RNF123: variants seen among roughly 807,000 people sequenced by gnomAD.
RNF123 encodes the protein ring finger protein 123.
A neutral mutation model predicts 168.5 loss-of-function variants in RNF123; 86 were observed. The ratio of observed to expected loss-of-function variants is 0.51; its 90% CI spans 0.43 to 0.61. The LOEUF (loss-of-function observed/expected upper bound fraction) is 0.61, where lower values mean the gene tolerates loss of function less well. Among genes scored for constraint, RNF123 ranks in the 20% least tolerant of loss-of-function variants. The probability of loss-of-function intolerance (pLI) is 0.00; values close to 1 mark genes in which losing one functional copy is unlikely to be tolerated. For synonymous variants in RNF123, 666 were observed against 689.1 expected (o/e 0.97, Z 0.52); for missense variants, 1,419 against 1,729.7 (o/e 0.82, Z 3.19).
In RNF123 at chr3:49,706,767, T is replaced by A. The variant is rs775755837; in HGVS notation, c.2389-24T>A. Reference sequence around the variant, plus strand: ...TGGGTATGGGGCCATGTCTTGATTGTCCTCCTTTCCCCTTGGGTGGCAGAG... The same window carrying A: ...TGGGTATGGGGCCATGTCTTGATTGACCTCCTTTCCCCTTGGGTGGCAGAG... On this transcript the variant is annotated intron_variant, in intron 25 of 38. Transcript: ENST00000327697. The A allele has an allele frequency of 2.5e-6, 4 of 1,604,146 alleles. No homozygotes were observed. In the East Asian group the frequency reaches 6.7e-5, roughly 27 times the overall value.
At position 49,715,663 on chromosome 3, in the gene RNF123, C is replaced by T. The variant is rs2080227314; in HGVS notation, c.3099C>T (p.Val1033=). 1.2e-6 allele frequency: 2 copies of T among 1,614,242 alleles called. No homozygotes were observed. Among genetic ancestry groups the T allele is most frequent in the South Asian group, 2.2e-5 (2 of 91,088 alleles). Residue 1033 remains valine (V), a synonymous_variant, in exon 32 of 39, where the codon GTC becomes GTT. Coordinates refer to ENST00000327697, the MANE Select transcript of RNF123 (RefSeq NM_022064.5). ...PDVAPSFLNS[V]LNQLNWAFSE... is the part of the protein sequence containing the mutation. ...TGGCACCCAGCTTCCTCAACAGCGT[C>T]CTCAATCAGCTCAACTGGGCCTTCT...
chr3:49,709,036 C>T (rs556716823), intron 26 of RNF123, among the ~76,000 whole-genome samples: 1 of 152,174 alleles, frequency 6.6e-6, no homozygotes, highest in African/African-American at 2.4e-5. Flanking sequence ...GGTGCGATCT[C>T]GGCTCACATC....
intron 21 of RNF123, 133 bp downstream of exon 21, chr3:49,703,661 A>C: frequency 1.5e-6 from 1 of 652,752 alleles, no homozygotes; most frequent in South Asian, 2.0e-5. Context: ...CCACTCAGGC[A>C]GGGAGACACT....
chr3:49,698,513 C>T lies in RNF123; in HGVS notation c.557C>T (p.Thr186Met), dbSNP rs770868302. 4.3e-6 allele frequency: 7 copies of T among 1,613,926 alleles called. No individual in the cohort carries two copies. The highest frequency in any genetic ancestry group is 1.7e-4 in the Middle Eastern group (1 of 6,060). ...NRVRKWNVTT[T>M]NYGKAWAAGD... ...GTGCGCAAGTGGAATGTGACCACAA[C>T]GAATTATGGCAAGGTGAGAGCCAAG... The change falls in exon 8 of 39, where the codon ACG (threonine) becomes ATG (methionine). Residue 186 changes from threonine (T) to methionine (M), a missense_variant. Thr to Met is a moderately conservative substitution (Grantham distance 81). Coordinates refer to ENST00000327697, the MANE Select transcript of RNF123 (RefSeq NM_022064.5).
At chr3:49,700,780 G>C (rs1303025525) in intron 15 of RNF123, 71 bp downstream of exon 15, 4 of 1,538,462 alleles carry the variant, frequency 2.6e-6, no homozygotes, top group Non-Finnish European at 3.6e-6. Context: ...CCAGGAAGGG[G>C]AGTGTCATCA....
At chr3:49,690,494 C>T (rs1414102731) in intron 1 of RNF123, among the ~76,000 whole-genome samples, 2 of 152,210 alleles carry the variant, frequency 1.3e-5, no homozygotes, top group Non-Finnish European at 2.9e-5. Flanking sequence ...GGGATAGATG[C>T]ACTAGGAGGA....
chr3:49,703,688 A>G (rs2054455419), intron 21 of RNF123, among the ~76,000 whole-genome samples, 160 bp downstream of exon 21: 1 of 152,052 alleles, frequency 6.6e-6, no homozygotes. Context: ...CCTGCCCTAC[A>G]TCTGGGCAGC....
Position 49,716,102 on chromosome 3 carries a change from C to T in RNF123, c.3340C>T (p.Leu1114=). 1 of 1,613,792 alleles carries T rather than the reference C, an allele frequency of 6.2e-7. No homozygotes were observed. Among genetic ancestry groups the T allele is most frequent in the African/African-American group, 1.3e-5 (1 of 75,070 alleles). Residue 1114 remains leucine (L), a splice_region_variant and synonymous_variant, in exon 34 of 39, where the codon CTG becomes TTG. Transcript: ENST00000327697. ...CAATGGACTCCTGCTCCCCTCACAG[C>T]TGCTAAACCAGGTGCTGAACCGGGT... ...SEMLLRRLAQ[L]LNQVLNRVTA...
In RNF123 at chr3:49,704,701, C is replaced by T; in HGVS notation, c.1904C>T (p.Ser635Leu). 6.2e-7 allele frequency: 1 copy of T among 1,605,572 alleles called. No individual in the cohort carries two copies. The highest frequency in any genetic ancestry group is 1.1e-5 in the South Asian group (1 of 89,560). ...GTGATCGACCCACTGGAGCTCCAGT[C>T]AACCGCCATGGATGACCTAGATGAG... ...NIVIDPLELQ[S>L]TAMDDLDEDE... is the part of the protein sequence containing the mutation. Residue 635 changes from serine (S) to leucine (L), a missense_variant, in exon 22 of 39, where the codon TCA (serine) becomes TTA (leucine). Around this residue, in one of 5 missense-constraint regions of RNF123, gnomAD observed 538 missense variants for 708.8 expected, o/e 0.76. Coordinates refer to ENST00000327697, the MANE Select transcript of RNF123 (RefSeq NM_022064.5).
chr3:49,718,397 G>C (rs1403036543), intron 35 of RNF123: 1 of 1,613,048 alleles, frequency 6.2e-7, no homozygotes, highest in Non-Finnish European at 8.5e-7. Flanking sequence ...TGCAGGCGGG[G>C]CCCAGTGGCC....
chr3:49,710,731 A>T (rs1361923547), intron 26 of RNF123, among the ~76,000 whole-genome samples: 1 of 152,016 alleles, frequency 6.6e-6, no homozygotes, highest in East Asian at 1.9e-4. Flanking sequence ...TTTCTTTTTC[A>T]TGCTTAGTTG....
chr3:49,711,827 G>A (rs1172418262), intron 26 of RNF123, among the ~76,000 whole-genome samples: 2 of 152,036 alleles, frequency 1.3e-5, no homozygotes, highest in Admixed American at 6.6e-5. Context: ...CAGTCACACT[G>A]CCCCCTGCTT....
intron 3 of RNF123, among the ~76,000 whole-genome samples, chr3:49,694,236 A>G (rs1206598921): frequency 6.6e-6 from 1 of 152,248 alleles, no homozygotes; most frequent in East Asian, 1.9e-4. Context: ...TAAACTACAC[A>G]TACTTAAAGT....
At chr3:49,700,106 G>A in intron 12 of RNF123, 121 bp from the exon 13 acceptor site, 17 of 1,405,724 alleles carry the variant, frequency 1.2e-5, no homozygotes, top group Non-Finnish European at 1.6e-5. Flanking sequence ...TCTATGTTTG[G>A]TGTTGCTCGA....
intron 26 of RNF123, among the ~76,000 whole-genome samples, chr3:49,709,099 T>C (rs1203681669): frequency 7.6e-6 from 1 of 131,002 alleles, no homozygotes; most frequent in African/African-American, 2.9e-5. Flanking sequence ...GGACTACAGG[T>C]GCGCACCACC....
intron 35 of RNF123, 101 bp downstream of exon 35, chr3:49,716,578 T>C: frequency 9.7e-7 from 1 of 1,026,514 alleles, no homozygotes; most frequent in Non-Finnish European, 1.5e-6. Flanking sequence ...ATCTGGAAAA[T>C]GGACCTCAGC....
Position 49,704,761 on chromosome 3 carries a change from C to G in RNF123, c.1959+5C>G, listed in dbSNP as rs371925287. 2.5e-6 allele frequency: 4 copies of G among 1,570,060 alleles called. No individual in the cohort carries two copies. The South Asian group carries it at 4.7e-5, about 18-fold the overall frequency. Reference sequence around the variant, plus strand: ...CCAGCCCCAGCTATGGCCCAGGTGCCGCAGTGGGGGCAGGCGGTGGGATTT... The same window carrying G: ...CCAGCCCCAGCTATGGCCCAGGTGCGGCAGTGGGGGCAGGCGGTGGGATTT... On this transcript the variant is annotated splice_donor_5th_base_variant and intron_variant, in intron 22 of 38. Coordinates refer to ENST00000327697, the MANE Select transcript of RNF123 (RefSeq NM_022064.5).
At chr3:49,702,529 T>C in intron 19 of RNF123, 104 bp from the exon 20 acceptor site, 1 of 1,607,534 alleles carries the variant, frequency 6.2e-7, no homozygotes, top group Admixed American at 1.7e-5. Flanking sequence ...CTCTGCTGCT[T>C]TTCCCTCCCT....
rs1381964645 is a variant in RNF123, at chr3:49,715,921, G to A, written c.3250G>A (p.Val1084Ile). 2 of 1,614,108 alleles carry A rather than the reference G, an allele frequency of 1.2e-6. No homozygotes were observed. Among genetic ancestry groups the A allele is most frequent in the East Asian group, 2.2e-5 (1 of 44,894 alleles). ...CFDLSVSLLR[V>I]LEMTITLVPE... The stretch of plus-strand genomic sequence containing the variant: ...TGACCTCTCGGTCAGCCTGCTGCGT[G>A]TCTTGGAGATGACTATCACACTGGT... The change falls in exon 33 of 39, where the codon GTC (valine) becomes ATC (isoleucine). Residue 1084 changes from valine to isoleucine, a missense_variant. This residue lies in a region of RNF123 where 538 missense variants were observed against 708.8 expected (regional missense o/e 0.76). Coordinates refer to ENST00000327697, the MANE Select transcript of RNF123 (RefSeq NM_022064.5).
Sources: allele counts gnomAD v4.1 joint callset (sites outside exome capture counted in the v4.1 genomes callset), GRCh38; gene constraint gnomAD v4.1.1; regional missense constraint gnomAD v4.1.1; transcripts MANE v1.5; gene names NCBI Gene and HGNC (gene_info 2026-07-23, HGNC 2026-07-21).